The following NDUFA9 variants were observed in gnomAD, a reference collection of about 807,000 sequenced individuals.
NDUFA9 encodes NADH dehydrogenase [ubiquinone] 1 alpha subcomplex subunit 9, mitochondrial.
In NDUFA9, 23 loss-of-function variants were observed where a neutral mutation model predicts 45.9. The ratio of observed to expected loss-of-function variants is 0.50; its 90% confidence interval spans 0.36 to 0.71. The LOEUF is 0.71. NDUFA9 is among the 30% of genes least tolerant of loss of function. NDUFA9 has a pLI of 0.00. For synonymous variants in NDUFA9, 176 were observed against 170.5 expected, an observed-to-expected ratio of 1.03 and a Z score of -0.25; for missense variants, 466 against 488.2, an observed-to-expected ratio of 0.95 and a Z score of 0.43.
intron 5 of NDUFA9, 55 bp downstream of exon 5, chr12:4,659,232 A>G (rs1399418836): frequency 3.0e-5 from 44 of 1,475,492 alleles, no homozygotes; most frequent in Non-Finnish European, 3.9e-5. Context: ...TTCTTGGGCC[A>G]TTTGAAACAT....
At chr12:4,667,219 A>G (rs1945858149) in intron 6 of NDUFA9, among the ~76,000 whole-genome samples, 2 of 152,118 alleles carry the variant, frequency 1.3e-5, no homozygotes, top group Admixed American at 6.5e-5. Context: ...AGCCTCCTTT[A>G]TGAGGGCCTT....
chr12:4,686,815 T>C, intron 10 of NDUFA9, 123 bp from the exon 11 acceptor site: 1 of 923,132 alleles, frequency 1.1e-6, no homozygotes, highest in Non-Finnish European at 1.6e-6. Context: ...CACATATTCT[T>C]TGAAAGCAAT....
At chr12:4,659,925 T>C (rs1361746749) in intron 5 of NDUFA9, among the ~76,000 whole-genome samples, 1 of 152,194 alleles carries the variant, frequency 6.6e-6, no homozygotes, top group African/African-American at 2.4e-5. Context: ...TCACATATTG[T>C]GTTAAGCACT....
At chr12:4,677,097 T>C (rs1945924410) in intron 8 of NDUFA9, among the ~76,000 whole-genome samples, 1 of 152,190 alleles carries the variant, frequency 6.6e-6, no homozygotes, top group African/African-American at 2.4e-5. Flanking sequence ...TGGCTAGCCA[T>C]ATGCAGAAAG....
intron 1 of NDUFA9, among the ~76,000 whole-genome samples, chr12:4,649,868 A>G (rs1945746268): frequency 6.6e-6 from 1 of 152,178 alleles, no homozygotes; most frequent in South Asian, 2.1e-4. Context: ...TTCTGATTGG[A>G]TCTGCTCCCA....
At chr12:4,654,947 A>G in intron 3 of NDUFA9, 25 bp downstream of exon 3, 2 of 1,566,014 alleles carry the variant, frequency 1.3e-6, no homozygotes, top group Non-Finnish European at 1.8e-6. Flanking sequence ...GACTGAATGA[A>G]GTTGACAAAT....
At position 4,692,128 on chromosome 12, in the gene NDUFA9, A is replaced by C. The variant is rs1946021627; in HGVS notation, c.*5020A>C. The stretch of plus-strand genomic sequence containing the variant: ...TTAAGTTTTCTGATGCTCTAAGGGA[A>C]GTCAGGTGCCTAATATTGGTGATGT... On this transcript the variant is annotated 3_prime_UTR_variant, in exon 11 of 11. Coordinates refer to ENST00000266544, the MANE Select transcript of NDUFA9 (RefSeq NM_005002.5). 6.6e-6 allele frequency: 1 copy of C among 152,178 alleles called. No homozygotes were observed. Among genetic ancestry groups the C allele is most frequent in the Non-Finnish European group, 1.5e-5 (1 of 68,030 alleles). The allele number at this position is 152,178 out of a possible 1,614,324, so 9.4% of individuals were successfully genotyped here.
intron 6 of NDUFA9, among the ~76,000 whole-genome samples, chr12:4,664,036 A>G (rs1436336467): frequency 1.3e-5 from 2 of 152,220 alleles, no homozygotes; most frequent in African/African-American, 4.8e-5. Flanking sequence ...GAAGATTTCT[A>G]AGTACAAAGT....
At position 4,679,060 on chromosome 12, in the gene NDUFA9, G is replaced by A. The variant is rs113543051; in HGVS notation, c.801-3145G>A. On this transcript the variant is annotated intron_variant, in intron 8 of 10. Transcript: ENST00000266544. The stretch of plus-strand genomic sequence containing the variant: ...ATGAAAGGAGAAATAAAATATAGTA[G>A]CATTCTCATATAATAGAAGTTCAAC... Among the ~76,000 whole-genome samples, 915 of 152,240 alleles carry A rather than the reference G, an allele frequency of 6.0e-3. 12 individuals are homozygous for A. The highest frequency in any genetic ancestry group is 0.021 in the African/African-American group (876 of 41,550).
chr12:4,683,180 C>CA (rs60769758), intron 9 of NDUFA9, among the ~76,000 whole-genome samples: 104,951 of 138,772 alleles, frequency 0.76, 39,235 homozygotes, highest in Middle Eastern at 0.85. Flanking sequence ...GTCTCTGGAA[C>CA]AAAAAAAAAA....
intron 8 of NDUFA9, among the ~76,000 whole-genome samples, chr12:4,671,497 G>T (rs528718780): frequency 2.6e-5 from 4 of 152,148 alleles, no homozygotes; most frequent in Admixed American, 2.0e-4. Flanking sequence ...GATTGAATGA[G>T]TCAGTATGAT....
intron 8 of NDUFA9, among the ~76,000 whole-genome samples, chr12:4,678,638 C>T (rs1050210388): frequency 6.6e-6 from 1 of 152,004 alleles, no homozygotes; most frequent in Non-Finnish European, 1.5e-5. Context: ...GAGCAAAAGA[C>T]ATGAATAGGC....
intron 6 of NDUFA9, among the ~76,000 whole-genome samples, chr12:4,663,465 G>A (rs2137469466): frequency 6.6e-6 from 1 of 152,292 alleles, no homozygotes; most frequent in Middle Eastern, 3.4e-3. Context: ...ATAAGGGTGA[G>A]GTCGTAATTC....
intron 8 of NDUFA9, among the ~76,000 whole-genome samples, chr12:4,676,835 A>G (rs1408430589): frequency 1.3e-5 from 2 of 152,232 alleles, no homozygotes; most frequent in Non-Finnish European, 2.9e-5. Flanking sequence ...AAGAGCCCAC[A>G]TAGCCAAGAC....
At chr12:4,651,757 A>G (rs1945761055) in intron 1 of NDUFA9, among the ~76,000 whole-genome samples, 1 of 151,272 alleles carries the variant, frequency 6.6e-6, no homozygotes, top group Non-Finnish European at 1.5e-5. Context: ...CTTACTCTTC[A>G]CTCTTATCAT....
chr12:4,654,997 T>A (rs1945781572), intron 3 of NDUFA9, 75 bp downstream of exon 3: 1 of 1,211,422 alleles, frequency 8.3e-7, no homozygotes, highest in African/African-American at 1.5e-5. Context: ...ATAGGCAGTA[T>A]AATAAAGCAG....
At chr12:4,674,523 A>T (rs1001865987) in intron 8 of NDUFA9, among the ~76,000 whole-genome samples, 1 of 152,218 alleles carries the variant, frequency 6.6e-6, no homozygotes, top group African/African-American at 2.4e-5. Context: ...AGGAGTTGCA[A>T]TCCTACTCTG....
At chr12:4,668,749 A>G (rs1327238956) in intron 7 of NDUFA9, 7 of 518,526 alleles carry the variant, frequency 1.3e-5, no homozygotes, top group Non-Finnish European at 2.1e-5. Context: ...GACACATCAT[A>G]CATGTCACAT....
At chr12:4,679,067 C>T (rs1945937482) in intron 8 of NDUFA9, among the ~76,000 whole-genome samples, 1 of 152,166 alleles carries the variant, frequency 6.6e-6, no homozygotes, top group South Asian at 2.1e-4. Context: ...GTAGCATTCT[C>T]ATATAATAGA....
Sources: gnomAD v4.1 joint callset for allele counts (sites outside exome capture counted in the v4.1 genomes callset) on GRCh38, gnomAD v4.1.1 for gene constraint, MANE v1.5 for transcripts, NCBI Gene and HGNC (gene_info 2026-07-23, HGNC 2026-07-21) for gene names.